The following PXDNL variants were observed in gnomAD, a reference collection of about 807,000 sequenced individuals.
PXDNL encodes probable oxidoreductase PXDNL.
Under a neutral mutation model 150.8 loss-of-function variants are expected in PXDNL, and 145 were observed. The ratio of observed to expected loss-of-function variants is 0.96; its 90% CI spans 0.84 to 1.10. The LOEUF (loss-of-function observed/expected upper bound fraction) is 1.10, where lower values mean the gene tolerates loss of function less well. Among genes scored for constraint, PXDNL ranks in the 50% least tolerant of loss-of-function variants. The probability of loss-of-function intolerance (pLI) is 0.00; values close to 1 mark genes in which losing one functional copy is unlikely to be tolerated. For synonymous variants in PXDNL, 757 were observed against 725.7 expected, an observed-to-expected ratio of 1.04 and a Z score of -0.69; for missense variants, 2,087 against 1,873.9, an observed-to-expected ratio of 1.11 and a Z score of -2.10.
intron 5 of PXDNL, among the ~76,000 whole-genome samples, chr8:51,489,270 A>T (rs1810838369): frequency 6.6e-6 from 1 of 152,212 alleles, no homozygotes; most frequent in Non-Finnish European, 1.5e-5. Flanking sequence ...CCAATAATTG[A>T]AAAGTCTCAT....
intron 15 of PXDNL, among the ~76,000 whole-genome samples, 183 bp from the exon 16 acceptor site, chr8:51,411,590 C>T (rs1808652854): frequency 1.3e-5 from 2 of 152,088 alleles, no homozygotes; most frequent in South Asian, 2.1e-4. Flanking sequence ...ACAACTTATT[C>T]CAAATGTTAG....
At chr8:51,497,738 C>G (rs575741070) in intron 5 of PXDNL, among the ~76,000 whole-genome samples, 2 of 152,324 alleles carry the variant, frequency 1.3e-5, no homozygotes, top group African/African-American at 4.8e-5. Flanking sequence ...GAGATACCAT[C>G]TCACACCAGT....
At chr8:51,777,239 C>T (rs557138902) in intron 1 of PXDNL, among the ~76,000 whole-genome samples, 8 of 152,308 alleles carry the variant, frequency 5.3e-5, no homozygotes, top group South Asian at 2.1e-4. Context: ...TGTGGCAAGT[C>T]GCTTAATGCC....
chr8:51,719,593 C>A (rs1816687113), intron 1 of PXDNL, among the ~76,000 whole-genome samples: 2 of 151,672 alleles, frequency 1.3e-5, no homozygotes, highest in Admixed American at 6.6e-5. Context: ...TGTCCTATGA[C>A]CCTGCCAAAT....
intron 2 of PXDNL, among the ~76,000 whole-genome samples, chr8:51,618,695 A>G (rs1279983867): frequency 6.6e-6 from 1 of 152,200 alleles, no homozygotes; most frequent in African/African-American, 2.4e-5. Flanking sequence ...GCAGTGAGGA[A>G]CAGTGACTGA....
chr8:51,551,372 A>T (rs1225728297), intron 4 of PXDNL, among the ~76,000 whole-genome samples: 1 of 152,018 alleles, frequency 6.6e-6, no homozygotes, highest in Non-Finnish European at 1.5e-5. Context: ...CAAAAGCAAG[A>T]CTAAGCAAAA....
At chr8:51,772,406 A>T (rs2129243232) in intron 1 of PXDNL, among the ~76,000 whole-genome samples, 1 of 152,202 alleles carries the variant, frequency 6.6e-6, no homozygotes, top group East Asian at 1.9e-4. Context: ...TTTCAGAAGA[A>T]GATTCTGATA....
intron 1 of PXDNL, among the ~76,000 whole-genome samples, chr8:51,739,250 A>G (rs544096542): frequency 6.6e-6 from 1 of 152,260 alleles, no homozygotes; most frequent in East Asian, 1.9e-4. Flanking sequence ...GCAGAAGTCA[A>G]CCTGATAAAG....
intron 2 of PXDNL, among the ~76,000 whole-genome samples, chr8:51,647,809 A>T (rs955785261): frequency 2.0e-5 from 3 of 152,230 alleles, no homozygotes; most frequent in Non-Finnish European, 4.4e-5. Flanking sequence ...AACACTTACA[A>T]TAGTGTCTCC....
chr8:51,575,335 G>A (rs560300534), intron 3 of PXDNL, among the ~76,000 whole-genome samples: 61 of 151,862 alleles, frequency 4.0e-4, no homozygotes, highest in African/African-American at 1.4e-3. Flanking sequence ...AAAAGAGAAA[G>A]CACAGAAAAG....
intron 3 of PXDNL, among the ~76,000 whole-genome samples, chr8:51,582,237 G>A (rs1813226294): frequency 6.6e-6 from 1 of 152,092 alleles, no homozygotes; most frequent in South Asian, 2.1e-4. Context: ...TGAGGAAAGA[G>A]GGTGGCTGTC....
chr8:51,616,778 AT>A lies in PXDNL; in HGVS notation c.237-24081del, dbSNP rs546481911. Among the ~76,000 whole-genome samples, 388 of 152,034 alleles carry A rather than the reference AT, an allele frequency of 2.6e-3. 3 individuals carry two copies. Among genetic ancestry groups the A allele is most frequent in the African/African-American group, 8.6e-3 (355 of 41,494 alleles). On this transcript the variant is annotated intron_variant, in intron 2 of 22. Transcript: ENST00000356297. ...ACTTTTTCTTTTGAAACTTTGTAGG[AT>A]TTTTTTTCCAAATATTTTCAATCCG...
At chr8:51,405,692 AATGAGT>A (rs1808416824) in intron 17 of PXDNL, among the ~76,000 whole-genome samples, 1 of 152,240 alleles carries the variant, frequency 6.6e-6, no homozygotes, top group South Asian at 2.1e-4. Context: ...CTCATAGTTG[AATGAGT>A]ATATGTTTCA....
At chr8:51,499,869 A>G in intron 4 of PXDNL, 99 bp from the exon 5 acceptor site, 1 of 777,600 alleles carries the variant, frequency 1.3e-6, no homozygotes, top group South Asian at 1.5e-5. Context: ...TATGAATTTC[A>G]CTGGCCCCAA....
At chr8:51,674,977 C>G (rs970565464) in intron 1 of PXDNL, among the ~76,000 whole-genome samples, 3 of 152,198 alleles carry the variant, frequency 2.0e-5, no homozygotes, top group Non-Finnish European at 2.9e-5. Flanking sequence ...AAGGCCTTCT[C>G]TAGTAGAAAT....
intron 21 of PXDNL, among the ~76,000 whole-genome samples, chr8:51,326,212 A>T (rs1490756342): frequency 6.6e-6 from 1 of 152,128 alleles, no homozygotes; most frequent in Non-Finnish European, 1.5e-5. Context: ...TATAATCAAG[A>T]GGCGTCTGTG....
At chr8:51,772,289 A>T (rs1480669288) in intron 1 of PXDNL, among the ~76,000 whole-genome samples, 3 of 149,054 alleles carry the variant, frequency 2.0e-5, no homozygotes, top group African/African-American at 7.5e-5. Flanking sequence ...GATGGGTCAC[A>T]CCTCCTTGCA....
In PXDNL at chr8:51,472,293, T is replaced by A. The variant is rs1486710064; in HGVS notation, c.706A>T (p.Ile236Phe). Residue 236 changes from isoleucine to phenylalanine, a missense_variant, in exon 8 of 23, where the codon ATT becomes TTT. Transcript: ENST00000356297. Reference protein sequence around the residue: ...VEEFNCQSPRITFEPQDVEVP... With the variant: ...VEEFNCQSPRFTFEPQDVEVP... ...TCCACATCCTGCGGCTCAAAAGTAA[T>A]TCGGGGGCTCTCTGCAACAAAAGAA... is the stretch of plus-strand genomic sequence containing the variant. 1 of 1,611,856 alleles carries A rather than the reference T, an allele frequency of 6.2e-7. No individual in the cohort carries two copies. Among genetic ancestry groups the A allele is most frequent in the Admixed American group, 1.7e-5 (1 of 59,816 alleles).
chr8:51,395,451 A>G (rs559447813), intron 17 of PXDNL, among the ~76,000 whole-genome samples: 72 of 152,370 alleles, frequency 4.7e-4, no homozygotes, highest in African/African-American at 1.7e-3. Context: ...AATGCATTCA[A>G]TGCAAGAGAA....
Sources: gnomAD v4.1 joint callset for allele counts (sites outside exome capture counted in the v4.1 genomes callset) on GRCh38, gnomAD v4.1.1 for gene constraint, MANE v1.5 for transcripts, NCBI Gene and HGNC (gene_info 2026-07-23, HGNC 2026-07-21) for gene names.